Variants in CERK observed in about 807,000 individuals in gnomAD.
CERK encodes the protein ceramide kinase, also known as acylsphingosine kinase.
A neutral mutation model predicts 63.4 loss-of-function variants in CERK; 39 were observed. That is an observed-to-expected ratio of 0.61 (90% CI 0.48 to 0.80). The LOEUF is 0.80. CERK is among the 30% of genes least tolerant of loss of function. CERK has a pLI of 0.00. For missense variants in CERK, 670 were observed against 714.1 expected (o/e 0.94, Z 0.70); for synonymous variants, 302 against 280.0 (o/e 1.08, Z -0.78).
chr22:46,700,895 C>T (rs2082780168), intron 7 of CERK, among the ~76,000 whole-genome samples: 2 of 151,856 alleles, frequency 1.3e-5, no homozygotes, highest in South Asian at 4.2e-4. Context: ...CCTGTAATCC[C>T]AGCTACTCTA....
intron 6 of CERK, among the ~76,000 whole-genome samples, chr22:46,705,738 G>C (rs1307310396): frequency 3.3e-5 from 5 of 151,044 alleles, no homozygotes; most frequent in Non-Finnish European, 7.4e-5. Context: ...AGCAAGACAA[G>C]TGGTGGGTGA....
intron 6 of CERK, among the ~76,000 whole-genome samples, chr22:46,704,576 C>T (rs1421313571): frequency 6.6e-6 from 1 of 152,114 alleles, no homozygotes; most frequent in Admixed American, 6.6e-5. Flanking sequence ...TCTATAATCC[C>T]AGCACTTTGG....
At chr22:46,691,044 T>C (rs373154253) in intron 11 of CERK, among the ~76,000 whole-genome samples, 20,527 of 132,158 alleles carry the variant, frequency 0.16, 1,635 homozygotes, top group African/African-American at 0.23. Flanking sequence ...TACACACACA[T>C]GTATACATAC....
chr22:46,699,330 G>T lies in CERK; in HGVS notation c.926C>A (p.Ala309Asp). 6.2e-7 allele frequency: 1 copy of T among 1,614,130 alleles called. No homozygotes were observed. The highest frequency in any genetic ancestry group is 8.5e-7 in the Non-Finnish European group (1 of 1,180,008). ...DSEKKRWLGL[A>D]RYDFSGLKTF... ...TGAGTTACCTGAAAAGTCGTATCTG[G>T]CAAGACCCAACCACCGTTTCTTCTC... Residue 309 changes from alanine (A) to aspartate (D), a missense_variant, in exon 8 of 13, where the codon GCC (alanine) becomes GAC (aspartate). Transcript: ENST00000216264.
rs139738764 is a variant in CERK, at chr22:46,688,615, G to A, written c.1541+1377C>T. Among the ~76,000 whole-genome samples, 430 of 152,332 alleles carry A rather than the reference G, an allele frequency of 2.8e-3. 1 individual carries two copies. The highest frequency in any genetic ancestry group is 9.9e-3 in the African/African-American group (411 of 41,580). On this transcript the variant is annotated intron_variant, in intron 12 of 12. Coordinates refer to ENST00000216264, the MANE Select transcript of CERK (RefSeq NM_022766.6). ...GAATGGGAGAAGCTTTCTTAGAGCC[G>A]CAGCTGGCTGGCTGAGGAGTCACTG... is the stretch of plus-strand genomic sequence containing the variant.
rs1349264414 is a variant in CERK, at chr22:46,684,544, T to G, written c.*2590A>C. ...CTCAGACTTTCCCAGTTACTCAAGA[T>G]TGTATTCAGGAACGAAGTCAAACTC... On this transcript the variant is annotated 3_prime_UTR_variant, in exon 13 of 13. Coordinates refer to ENST00000216264, the MANE Select transcript of CERK (RefSeq NM_022766.6). 1.3e-5 allele frequency: 2 copies of G among 152,170 alleles called. No homozygotes were observed. 9.4% of individuals were successfully genotyped at this position (152,170 alleles called of 1,614,324 possible). A position where few individuals can be genotyped will look rare whatever the true frequency, so the allele number is the denominator to read the frequency against.
At chr22:46,712,616 G>A (rs2082847128) in intron 3 of CERK, among the ~76,000 whole-genome samples, 2 of 152,132 alleles carry the variant, frequency 1.3e-5, no homozygotes, top group African/African-American at 4.8e-5. Context: ...CAGCAGCCTC[G>A]TTCTTCTGCA....
chr22:46,692,963 T>C (rs538905541), intron 10 of CERK, among the ~76,000 whole-genome samples: 1 of 151,140 alleles, frequency 6.6e-6, no homozygotes, highest in East Asian at 1.9e-4. Flanking sequence ...TAATATTTTG[T>C]GACATGTGGA....
At chr22:46,703,056 A>G (rs959556856) in intron 6 of CERK, among the ~76,000 whole-genome samples, 2 of 152,234 alleles carry the variant, frequency 1.3e-5, no homozygotes, top group Non-Finnish European at 2.9e-5. Flanking sequence ...CTCTGTGCCT[A>G]AGTCATTAGC....
At chr22:46,717,689 C>A (rs1184247753) in intron 3 of CERK, among the ~76,000 whole-genome samples, 4 of 152,178 alleles carry the variant, frequency 2.6e-5, no homozygotes, top group Non-Finnish European at 5.9e-5. Context: ...CGGTGGGGGA[C>A]CCTGGGGCTG....
At chr22:46,728,795 C>T (rs2082932307) in intron 1 of CERK, among the ~76,000 whole-genome samples, 1 of 152,244 alleles carries the variant, frequency 6.6e-6, no homozygotes, top group Non-Finnish European at 1.5e-5. Flanking sequence ...CAGCTCTGGC[C>T]TCGGGGACGT....
At chr22:46,704,177 C>G (rs935058431) in intron 6 of CERK, among the ~76,000 whole-genome samples, 1 of 152,188 alleles carries the variant, frequency 6.6e-6, no homozygotes, top group East Asian at 1.9e-4. Flanking sequence ...GTACCCCCAC[C>G]CTGACCACGG....
rs1182227021 is a variant in CERK at position 46,738,194 on chromosome 22, G to A, written c.-46C>T. The A allele has an allele frequency of 5.5e-6, 6 of 1,093,758 alleles. No individual in the cohort carries two copies. The highest frequency in any genetic ancestry group is 5.6e-6 in the Non-Finnish European group (5 of 900,830). The allele number at this position is 1,093,758 out of a possible 1,614,324, so 67.8% of individuals were successfully genotyped here. A position where few individuals can be genotyped will look rare whatever the true frequency, so the allele number is the denominator to read the frequency against. On this transcript the variant is annotated 5_prime_UTR_variant, in exon 1 of 13. Transcript: ENST00000216264. Reference sequence around the variant, plus strand: ...GCCAGGCTGGGGGCGCGCGGACGCCGAGGGGCGCCGGACCGTTAGCGGCCC... The same window carrying A: ...GCCAGGCTGGGGGCGCGCGGACGCCAAGGGGCGCCGGACCGTTAGCGGCCC...
intron 9 of CERK, 76 bp from the exon 10 acceptor site, chr22:46,693,579 T>C (rs1465857412): frequency 2.5e-6 from 3 of 1,202,708 alleles, no homozygotes; most frequent in Non-Finnish European, 2.5e-6. Flanking sequence ...CATATAGATG[T>C]ATTTACATTC....
intron 8 of CERK, among the ~76,000 whole-genome samples, chr22:46,696,629 C>G (rs1245647287): frequency 6.6e-6 from 1 of 152,244 alleles, no homozygotes; most frequent in Admixed American, 6.5e-5. Context: ...CACGCTCATT[C>G]TCCTTCCATG....
At chr22:46,688,203 T>C (rs1045401892) in intron 12 of CERK, among the ~76,000 whole-genome samples, 3 of 151,802 alleles carry the variant, frequency 2.0e-5, no homozygotes, top group Non-Finnish European at 4.4e-5. Context: ...AATAAAAAAA[T>C]AGAAATAAAT....
At chr22:46,717,982 G>A (rs1412211607) in intron 3 of CERK, among the ~76,000 whole-genome samples, 1 of 152,196 alleles carries the variant, frequency 6.6e-6, no homozygotes, top group Non-Finnish European at 1.5e-5. Context: ...TTAGGAGGCT[G>A]AGACAGGAGA....
chr22:46,711,242 G>A (rs2082839585), intron 4 of CERK, 93 bp from the exon 5 acceptor site: 1 of 919,976 alleles, frequency 1.1e-6, no homozygotes, highest in Non-Finnish European at 1.8e-6. Flanking sequence ...ATGAGTTCCT[G>A]TAACACCTTC....
At chr22:46,688,775 G>A (rs1490345789) in intron 12 of CERK, among the ~76,000 whole-genome samples, 1 of 152,350 alleles carries the variant, frequency 6.6e-6, no homozygotes, top group South Asian at 2.1e-4. Context: ...TCGCTCTCAC[G>A]CCAGCCACAC....
Sources: gnomAD v4.1 joint callset for allele counts (sites outside exome capture counted in the v4.1 genomes callset) on GRCh38, gnomAD v4.1.1 for gene constraint, MANE v1.5 for transcripts, NCBI Gene and HGNC (gene_info 2026-07-23, HGNC 2026-07-21) for gene names.